The following WDFY3 variants were observed in gnomAD, a reference collection of about 807,000 sequenced individuals.
WDFY3 encodes the protein WD repeat and FYVE domain containing 3.
WDFY3 carries 66 observed loss-of-function variants against 409.6 expected under a neutral mutation model. That is an observed-to-expected ratio of 0.16 (90% confidence interval 0.13 to 0.20). The LOEUF (loss-of-function observed/expected upper bound fraction) is 0.20. Ranked by LOEUF, WDFY3 falls within the 10% of genes least tolerant of loss-of-function variation. The pLI, the probability that WDFY3 is intolerant of heterozygous loss-of-function variation, is 1.00. For synonymous variants in WDFY3, 1,521 were observed against 1,537.1 expected (o/e 0.99, Z 0.25); for missense variants, 3,031 against 4,298.1 (o/e 0.71, Z 8.24).
chr4:84,721,527 C>T lies in WDFY3; in HGVS notation c.7487G>A (p.Gly2496Glu). ...PLKRSRSAPD[G>E]GDEENQEQLQ... ...CTGCTCCTGGTTCTCCTCATCTCCTCCATCAGGTGCAGATCGGGAGCGTTT... is the reference window on the plus strand; with the variant it reads ...CTGCTCCTGGTTCTCCTCATCTCCTTCATCAGGTGCAGATCGGGAGCGTTT... Residue 2496 changes from glycine to glutamate, a missense_variant, in exon 47 of 68, where the codon GGA becomes GAA. Gly to Glu is a moderately conservative substitution (Grantham distance 98). This residue lies in a region of WDFY3 where 127 missense variants were observed against 144.4 expected (regional missense o/e 0.88). Coordinates refer to ENST00000295888, the MANE Select transcript of WDFY3 (RefSeq NM_014991.6). 6.2e-7 allele frequency: 1 copy of T among 1,611,264 alleles called. No homozygotes were observed. Among genetic ancestry groups the T allele is most frequent in the Non-Finnish European group, 8.5e-7 (1 of 1,180,018 alleles).
intron 56 of WDFY3, among the ~76,000 whole-genome samples, chr4:84,697,817 A>C (rs1730375997): frequency 6.6e-6 from 1 of 152,230 alleles, no homozygotes; most frequent in South Asian, 2.1e-4. Flanking sequence ...GCAGTTGTTC[A>C]AATTTTAGAA....
chr4:84,883,452 TAGAA>T (rs1428996455), intron 3 of WDFY3, among the ~76,000 whole-genome samples: 1 of 152,208 alleles, frequency 6.6e-6, no homozygotes, highest in Non-Finnish European at 1.5e-5. Flanking sequence ...ATCATCTTCT[TAGAA>T]GGAAAGCAAT....
At position 84,912,636 on chromosome 4, in the gene WDFY3, C is replaced by T. The variant is rs1003828762; in HGVS notation, c.-131-15626G>A. On this transcript the variant is annotated intron_variant, in intron 2 of 67. Transcript: ENST00000295888. ...AATGTCAAGAGAACAGGAGACGCAG[C>T]TTCTGCCAACCAAGAGGCAACAGAC... Among the ~76,000 whole-genome samples the T allele has an allele frequency of 7.9e-5, 12 of 152,118 alleles. No individual in the cohort carries two copies. The South Asian group carries it at 2.3e-3, about 29-fold the overall frequency.
chr4:84,700,256 G>T (rs1730862697), intron 56 of WDFY3, among the ~76,000 whole-genome samples: 1 of 152,210 alleles, frequency 6.6e-6, no homozygotes, highest in Non-Finnish European at 1.5e-5. Flanking sequence ...CCAGGTTGGA[G>T]TGCAGTGGCA....
rs1241911452 is a variant in WDFY3, at chr4:84,841,052, T to C, written c.414+102A>G. 36 of 884,236 alleles carry C rather than the reference T, an allele frequency of 4.1e-5. 1 individual carries two copies. In the South Asian group the frequency reaches 6.0e-4, roughly 15 times the overall value. The allele number at this position is 884,236 out of a possible 1,614,324, so 54.8% of individuals were successfully genotyped here. On this transcript the variant is annotated intron_variant, in intron 6 of 67. Coordinates refer to ENST00000295888, the MANE Select transcript of WDFY3 (RefSeq NM_014991.6). ...GTTAGAAGAATACAAATGATTATCATAGTATCTCATTTGGATATAATGATG... is the reference window on the plus strand; with the variant it reads ...GTTAGAAGAATACAAATGATTATCACAGTATCTCATTTGGATATAATGATG...
intron 1 of WDFY3, among the ~76,000 whole-genome samples, chr4:84,960,473 C>T (rs971570464): frequency 1.3e-5 from 2 of 152,150 alleles, no homozygotes; most frequent in East Asian, 1.9e-4. Context: ...ACAAGACATT[C>T]GTGTATGTAT....
rs573380338 is a variant in WDFY3 at position 84,836,877 on chromosome 4, T to C, written c.576+52A>G. ...ATGTAAAACATCTATTTAGGAAGTA[T>C]ACCCACTTCCCTTTAAATAGGGTGG... On this transcript the variant is annotated intron_variant, in intron 7 of 67. Transcript: ENST00000295888. 7.5e-6 allele frequency: 10 copies of C among 1,335,880 alleles called. No individual in the cohort carries two copies. The East Asian group carries it at 1.1e-4, about 15-fold the overall frequency. 82.8% of individuals were successfully genotyped at this position (1,335,880 alleles called of 1,614,324 possible).
At chr4:84,881,537 G>C in intron 3 of WDFY3, among the ~76,000 whole-genome samples, 1 of 151,182 alleles carries the variant, frequency 6.6e-6, no homozygotes, top group East Asian at 1.9e-4. Flanking sequence ...TGTTTTCCAG[G>C]AAACAACCTA....
chr4:84,956,559 A>G (rs1774261902), intron 1 of WDFY3, among the ~76,000 whole-genome samples: 1 of 152,196 alleles, frequency 6.6e-6, no homozygotes, highest in South Asian at 2.1e-4. Flanking sequence ...TTCACAAAAG[A>G]ATCAAACAAC....
intron 33 of WDFY3, 105 bp downstream of exon 33, chr4:84,756,821 G>C: frequency 1.6e-6 from 2 of 1,239,090 alleles, no homozygotes; most frequent in Non-Finnish European, 2.3e-6. Context: ...TTAAATGTGG[G>C]GAAAGTGATG....
At chr4:84,851,330 A>G (rs1336910089) in intron 4 of WDFY3, among the ~76,000 whole-genome samples, 2 of 152,058 alleles carry the variant, frequency 1.3e-5, no homozygotes, top group African/African-American at 4.8e-5. Flanking sequence ...TATTATTATT[A>G]CCTATTGAAA....
chr4:84,718,880 G>A lies in WDFY3; in HGVS notation c.7606-310C>T, dbSNP rs139425377. Among the ~76,000 whole-genome samples, 17 of 152,274 alleles carry A rather than the reference G, an allele frequency of 1.1e-4. No homozygotes were observed. In the East Asian group the frequency reaches 2.9e-3, roughly 26 times the overall value. ...GATAAGGCTCCTGCTCTCATGAAGG[G>A]AGACAGACACAGCAAACTTGGCAGG... On this transcript the variant is annotated intron_variant, in intron 47 of 67. Transcript: ENST00000295888.
chr4:84,744,460 G>A (rs966756893), intron 36 of WDFY3, among the ~76,000 whole-genome samples: 8 of 152,074 alleles, frequency 5.3e-5, no homozygotes, highest in African/African-American at 9.7e-5. Flanking sequence ...AACACATAGC[G>A]TCAAGTGCCT....
At chr4:84,769,333 T>A (rs1192795845) in intron 30 of WDFY3, among the ~76,000 whole-genome samples, 24 of 152,200 alleles carry the variant, frequency 1.6e-4, no homozygotes, top group Admixed American at 1.6e-3. Flanking sequence ...TCAAACAGTA[T>A]CGCATGCCAC....
intron 3 of WDFY3, among the ~76,000 whole-genome samples, chr4:84,892,365 A>C (rs1256416323): frequency 6.6e-6 from 1 of 152,114 alleles, no homozygotes; most frequent in Non-Finnish European, 1.5e-5. Context: ...AATCTCCAAA[A>C]AAAAAGGACT....
chr4:84,753,257 C>T (rs1418675805), intron 35 of WDFY3, among the ~76,000 whole-genome samples: 1 of 152,152 alleles, frequency 6.6e-6, no homozygotes, highest in Non-Finnish European at 1.5e-5. Flanking sequence ...AAAGGACCAA[C>T]ATTTGCTTTC....
intron 3 of WDFY3, among the ~76,000 whole-genome samples, chr4:84,879,647 C>G (rs985853370): frequency 6.6e-6 from 1 of 151,312 alleles, no homozygotes; most frequent in Non-Finnish European, 1.5e-5. Context: ...TTGGCCTTAT[C>G]AAAATTAACT....
intron 4 of WDFY3, among the ~76,000 whole-genome samples, chr4:84,853,417 G>A (rs1304042707): frequency 3.3e-5 from 5 of 152,106 alleles, no homozygotes; most frequent in African/African-American, 4.8e-5. Context: ...CAGGTGATCT[G>A]CTCATCTCGG....
intron 3 of WDFY3, among the ~76,000 whole-genome samples, chr4:84,880,670 CATACATAT>C (rs1296327855): frequency 1.4e-4 from 8 of 55,214 alleles, no homozygotes; most frequent in African/African-American, 4.9e-4. Context: ...ATAAGGGAAC[CATACATAT>C]ATATATATAT....
Sources: gnomAD v4.1 joint callset for allele counts (sites outside exome capture counted in the v4.1 genomes callset) on GRCh38, gnomAD v4.1.1 for gene constraint, gnomAD v4.1.1 regional missense constraint, MANE v1.5 for transcripts, NCBI Gene and HGNC (gene_info 2026-07-23, HGNC 2026-07-21) for gene names.